RPTOR: variants seen among roughly 807,000 people sequenced by gnomAD.
RPTOR encodes the protein regulatory-associated protein of mTOR.
A neutral mutation model predicts 169.9 loss-of-function variants in RPTOR; 21 were observed. The observed-to-expected ratio is 0.12, with a 90% CI of 0.09 to 0.18. RPTOR has a LOEUF of 0.18. RPTOR is among the 10% of genes least tolerant of loss of function. RPTOR has a pLI of 1.00. For synonymous variants in RPTOR, 732 were observed against 753.2 expected, an observed-to-expected ratio of 0.97 and a Z score of 0.46; for missense variants, 1,133 against 1,855.9, an observed-to-expected ratio of 0.61 and a Z score of 7.16.
At chr17:80,622,126 C>T (rs1326314874) in intron 1 of RPTOR, among the ~76,000 whole-genome samples, 1 of 152,186 alleles carries the variant, frequency 6.6e-6, no homozygotes, top group East Asian at 1.9e-4. Flanking sequence ...AGAAGGCTTC[C>T]CTTCCCACAG....
chr17:80,879,084 C>T (rs1287745791), intron 13 of RPTOR, among the ~76,000 whole-genome samples: 1 of 152,150 alleles, frequency 6.6e-6, no homozygotes, highest in African/African-American at 2.4e-5. Flanking sequence ...TTCGGCTGTG[C>T]GCGCCCCGGA....
intron 1 of RPTOR, among the ~76,000 whole-genome samples, chr17:80,578,892 G>T (rs1272000254): frequency 2.0e-5 from 3 of 152,178 alleles, no homozygotes; most frequent in African/African-American, 7.2e-5. Context: ...CCGGCAGCTG[G>T]GAAGGGAACC....
intron 7 of RPTOR, among the ~76,000 whole-genome samples, chr17:80,811,192 A>C (rs988065867): frequency 9.9e-5 from 15 of 152,208 alleles, no homozygotes; most frequent in Non-Finnish European, 1.3e-4. Flanking sequence ...TTTTATCTAA[A>C]TCTACTAAGT....
At chr17:80,950,498 T>C (rs1219396560) in intron 28 of RPTOR, among the ~76,000 whole-genome samples, 1 of 152,026 alleles carries the variant, frequency 6.6e-6, no homozygotes, top group East Asian at 1.9e-4. Flanking sequence ...GCCTCGAACG[T>C]TGGATTTTTT....
rs760863690 is a variant in RPTOR at position 80,883,452 on chromosome 17, G to A, written c.1618G>A (p.Ala540Thr). ...CCGGACCATGACGGCTTTCATTCTC[G>A]CCGTGATCGTCAACAGCTATCACAC... Reference protein sequence around the residue: ...EHRTMTAFILAVIVNSYHTGQ... With the variant: ...EHRTMTAFILTVIVNSYHTGQ... Residue 540 changes from alanine to threonine, a missense_variant, in exon 15 of 34, where the codon GCC becomes ACC. Physicochemically the swap from Ala to Thr is moderately conservative, Grantham distance 58. Around this residue, in one of 9 missense-constraint regions of RPTOR, gnomAD observed 289 missense variants for 585.8 expected, o/e 0.49. Coordinates refer to ENST00000306801, the MANE Select transcript of RPTOR (RefSeq NM_020761.3). 5.6e-6 allele frequency: 9 copies of A among 1,613,940 alleles called. No homozygotes were observed. Among genetic ancestry groups the A allele is most frequent in the South Asian group, 2.2e-5 (2 of 91,080 alleles).
At chr17:80,811,248 A>T (rs892196364) in intron 7 of RPTOR, among the ~76,000 whole-genome samples, 2 of 152,214 alleles carry the variant, frequency 1.3e-5, no homozygotes. Context: ...TATCAGGTTG[A>T]GGAAGTGCGC....
At chr17:80,800,164 C>T (rs2143527243) in intron 7 of RPTOR, among the ~76,000 whole-genome samples, 1 of 152,352 alleles carries the variant, frequency 6.6e-6, no homozygotes, top group Middle Eastern at 3.4e-3. Flanking sequence ...CTGGCCTCCT[C>T]ACCAGCTCAA....
chr17:80,823,364 T>G lies in RPTOR; in HGVS notation c.1136+141T>G, dbSNP rs2067403644. On this transcript the variant is annotated intron_variant, in intron 9 of 33. Coordinates refer to ENST00000306801, the MANE Select transcript of RPTOR (RefSeq NM_020761.3). This position sits in a 1 kb window ranked among gnomAD's most constrained non-coding sequence, Gnocchi z 4.5. ...TGTAGCATTAACAAGTGAAGCTAAA[T>G]GCAGGGCTCCCAGAGATCTCCACAC... is the stretch of plus-strand genomic sequence containing the variant. 9.9e-7 allele frequency: 1 copy of G among 1,013,822 alleles called. No individual in the cohort carries two copies. Among genetic ancestry groups the G allele is most frequent in the Non-Finnish European group, 1.4e-6 (1 of 720,164 alleles). 62.8% of individuals were successfully genotyped at this position (1,013,822 alleles called of 1,614,324 possible).
chr17:80,559,867 C>T (rs2084457662), intron 1 of RPTOR, among the ~76,000 whole-genome samples: 1 of 152,220 alleles, frequency 6.6e-6, no homozygotes, highest in Non-Finnish European at 1.5e-5. Context: ...AGGTTGACTT[C>T]CTTGTTTTCT....
chr17:80,922,773 C>A lies in RPTOR; in HGVS notation c.2570C>A (p.Thr857Lys). ...CGCGTCCTGGACACCTCCTCCCTCA[C>A]GCAGTCGGCCCCCGCCAGCCCCACC... ...PQRVLDTSSL[T>K]QSAPASPTNK... The change falls in exon 22 of 34, where the codon ACG becomes AAG. Residue 857 changes from threonine to lysine, a missense_variant. Coordinates refer to ENST00000306801, the MANE Select transcript of RPTOR (RefSeq NM_020761.3). The A allele has an allele frequency of 6.3e-7, 1 of 1,583,060 alleles. No homozygotes were observed. Among genetic ancestry groups the A allele is most frequent in the Non-Finnish European group, 8.5e-7 (1 of 1,169,668 alleles).
intron 1 of RPTOR, among the ~76,000 whole-genome samples, chr17:80,622,504 A>G (rs752351214): frequency 2.0e-5 from 3 of 152,216 alleles, no homozygotes. Flanking sequence ...TGAAGGGGCC[A>G]TTTGTCTCTT....
intron 1 of RPTOR, among the ~76,000 whole-genome samples, chr17:80,563,468 G>C (rs2084527926): frequency 6.7e-6 from 1 of 148,836 alleles, no homozygotes; most frequent in African/African-American, 2.5e-5. Flanking sequence ...GGGAGGCAGA[G>C]GTTGGAGAAT....
At chr17:80,943,639 T>C (rs1011572665) in intron 25 of RPTOR, among the ~76,000 whole-genome samples, 1 of 151,946 alleles carries the variant, frequency 6.6e-6, no homozygotes, top group Non-Finnish European at 1.5e-5. Flanking sequence ...GCTATCTCAC[T>C]TCCTGCCAGA....
At chr17:80,685,301 G>A (rs1053095996) in intron 3 of RPTOR, among the ~76,000 whole-genome samples, 2 of 146,046 alleles carry the variant, frequency 1.4e-5, no homozygotes, top group East Asian at 3.9e-4. Flanking sequence ...AGTGAGTTGA[G>A]GTATTGCTCT....
intron 6 of RPTOR, among the ~76,000 whole-genome samples, chr17:80,763,741 A>G (rs1256314087): frequency 3.3e-5 from 5 of 152,262 alleles, no homozygotes; most frequent in Admixed American, 3.3e-4. Flanking sequence ...AAGAATCAGC[A>G]TCGTGTGAAC....
intron 2 of RPTOR, among the ~76,000 whole-genome samples, chr17:80,638,599 C>G (rs1187305256): frequency 6.6e-6 from 1 of 151,886 alleles, no homozygotes; most frequent in Non-Finnish European, 1.5e-5. Flanking sequence ...GACGGGGTCT[C>G]ATTTTGTTGC....
intron 1 of RPTOR, among the ~76,000 whole-genome samples, chr17:80,556,019 G>GTTTTTTTTTTTTTTTTTTTTTT (rs143244019): frequency 6.8e-6 from 1 of 146,398 alleles, no homozygotes; most frequent in Non-Finnish European, 1.5e-5. Context: ...GATCTAAAAA[G>GTTTTTTTTTTTTTTTTTTTTTT]TTTTTTGTTT....
chr17:80,843,623 G>A (rs1156769944), intron 10 of RPTOR, among the ~76,000 whole-genome samples: 3 of 152,046 alleles, frequency 2.0e-5, no homozygotes, highest in Non-Finnish European at 4.4e-5. Flanking sequence ...CGTACAGAGG[G>A]GTAGAATGTC....
intron 5 of RPTOR, among the ~76,000 whole-genome samples, chr17:80,743,827 C>T (rs71368079): frequency 0.1 from 3,016 of 29,300 alleles, 170 homozygotes; most frequent in East Asian, 0.18. Context: ...AGAGCCCTGG[C>T]TACTAGCACA....
Sources: gnomAD v4.1 joint callset for allele counts (sites outside exome capture counted in the v4.1 genomes callset) on GRCh38, gnomAD v4.1.1 for gene constraint, gnomAD v4.1.1 regional missense constraint, Gnocchi (gnomAD v3.1) non-coding constraint, MANE v1.5 for transcripts, NCBI Gene and HGNC (gene_info 2026-07-23, HGNC 2026-07-21) for gene names.